LMO7: variants seen among roughly 807,000 people sequenced by gnomAD.
LMO7 encodes LIM domain only protein 7.
Under a neutral mutation model 206.5 loss-of-function variants are expected in LMO7, and 120 were observed. The ratio of observed to expected loss-of-function variants is 0.58; its 90% CI spans 0.50 to 0.68. The LOEUF (loss-of-function observed/expected upper bound fraction) is 0.68, where lower values mean the gene tolerates loss of function less well. Among genes scored for constraint, LMO7 ranks in the 30% least tolerant of loss-of-function variants. LMO7 has a pLI of 0.00. For synonymous variants in LMO7, 706 were observed against 681.5 expected (o/e 1.04, Z -0.56); for missense variants, 1,959 against 1,957.9 (o/e 1.00, Z -0.01).
intron 26 of LMO7, 42 bp from the exon 27 acceptor site, chr13:75,849,037 A>G: frequency 8.3e-7 from 1 of 1,203,828 alleles, no homozygotes; most frequent in Non-Finnish European, 1.2e-6. Flanking sequence ...GTCACTTTTA[A>G]AAGGTACTAA....
intron 12 of LMO7, among the ~76,000 whole-genome samples, chr13:75,817,843 T>C (rs1339451159): frequency 6.6e-6 from 1 of 152,208 alleles, no homozygotes; most frequent in East Asian, 1.9e-4. Flanking sequence ...TACATAGATA[T>C]AGACTTACTC....
At chr13:75,677,942 T>C (rs1191518260) in intron 1 of LMO7, among the ~76,000 whole-genome samples, 1 of 152,070 alleles carries the variant, frequency 6.6e-6, no homozygotes, top group East Asian at 1.9e-4. Context: ...GGTTTCCAGC[T>C]TCATCCATGT....
In LMO7 at chr13:75,817,286, T is replaced by C. The variant is rs749365032; in HGVS notation, c.2064+8T>C. The C allele has an allele frequency of 2.6e-6, 4 of 1,558,870 alleles. No homozygotes were observed. In the Admixed American group the frequency reaches 6.7e-5, roughly 26 times the overall value. ...GATCAGAAATGGCAGGATGTGAGTA[T>C]TTTGGGGATTGGAGGGGAGAGAGTG... is the stretch of plus-strand genomic sequence containing the variant. On this transcript the variant is annotated splice_region_variant and intron_variant, in intron 12 of 30. Coordinates refer to ENST00000377534, the MANE Select transcript of LMO7 (RefSeq NM_001306080.2).
chr13:75,690,425 A>G (rs913763465), intron 1 of LMO7, among the ~76,000 whole-genome samples: 3 of 152,300 alleles, frequency 2.0e-5, no homozygotes, highest in African/African-American at 7.2e-5. Flanking sequence ...CCTATATTTG[A>G]GAGCTCCTCC....
intron 2 of LMO7, among the ~76,000 whole-genome samples, chr13:75,626,595 A>ATATATATATATATTTTTTTTTTT: frequency 9.8e-5 from 7 of 71,100 alleles, no homozygotes; most frequent in Non-Finnish European, 1.8e-4. Context: ...ATATATATAA[A>ATATATATATATATTTTTTTTTTT]TTTTTTTGAG....
chr13:75,848,431 T>TCATCTATCTATCTATCTATCTATC (rs1555348051), intron 26 of LMO7, among the ~76,000 whole-genome samples: 24 of 150,640 alleles, frequency 1.6e-4, no homozygotes, highest in Non-Finnish European at 2.7e-4. Context: ...TTCCATGCGA[T>TCATCTATCTATCTATCTATCTATC]TATCTATCTA....
chr13:75,804,091 C>T lies in LMO7; in HGVS notation c.662-198C>T, dbSNP rs531279260. On this transcript the variant is annotated intron_variant, in intron 7 of 30. Transcript: ENST00000377534. ...CCTACAGCAGCAAAAGAATGTACTG[C>T]ATGTGCCTCCAGTATGCAAAGCAAG... 1.6e-4 allele frequency: 88 copies of T among 554,550 alleles called. 2 individuals carry two copies. In the South Asian group the frequency reaches 2.0e-3, roughly 13 times the overall value. 34.4% of individuals were successfully genotyped at this position (554,550 alleles called of 1,614,324 possible).
intron 3 of LMO7, among the ~76,000 whole-genome samples, chr13:75,734,493 T>A (rs1209085325): frequency 6.6e-6 from 1 of 152,190 alleles, no homozygotes; most frequent in Non-Finnish European, 1.5e-5. Context: ...AAGCTTCTGT[T>A]TGACCATTCA....
Position 75,858,065 on chromosome 13 carries a change from T to C in LMO7, c.*122T>C. The stretch of plus-strand genomic sequence containing the variant: ...TTTTTTTAAAAAAAAGAATAACTTT[T>C]TTTGCCTCTTTAGATTACATAGAAG... On this transcript the variant is annotated 3_prime_UTR_variant, in exon 31 of 31. Coordinates refer to ENST00000377534, the MANE Select transcript of LMO7 (RefSeq NM_001306080.2). The C allele has an allele frequency of 3.4e-6, 4 of 1,173,712 alleles. No individual in the cohort carries two copies. The South Asian group carries it at 5.8e-5, about 17-fold the overall frequency. 72.7% of individuals were successfully genotyped at this position (1,173,712 alleles called of 1,614,324 possible).
intron 28 of LMO7, among the ~76,000 whole-genome samples, chr13:75,853,727 C>G (rs564475444): frequency 4.6e-5 from 7 of 152,164 alleles, no homozygotes; most frequent in Non-Finnish European, 1.0e-4. Flanking sequence ...TAGCAGCTCA[C>G]GAATGCTTCT....
At chr13:75,780,498 C>T (rs2051162933) in intron 4 of LMO7, among the ~76,000 whole-genome samples, 1 of 152,176 alleles carries the variant, frequency 6.6e-6, no homozygotes, top group African/African-American at 2.4e-5. Flanking sequence ...TCCCTTGTTC[C>T]CTGAACATCG....
intron 1 of LMO7, among the ~76,000 whole-genome samples, chr13:75,659,098 T>C (rs947231463): frequency 1.3e-5 from 2 of 152,208 alleles, no homozygotes. Context: ...CATTATGTGG[T>C]ATCTTTGACT....
intron 2 of LMO7, chr13:75,627,792 A>G (rs1490190116): frequency 6.6e-6 from 1 of 152,036 alleles, no homozygotes; most frequent in Non-Finnish European, 1.5e-5. Context: ...GCAATAGTTT[A>G]TTTTAAAGCT....
intron 1 of LMO7, among the ~76,000 whole-genome samples, chr13:75,712,334 C>T (rs1413926974): frequency 6.6e-6 from 1 of 152,180 alleles, no homozygotes; most frequent in Non-Finnish European, 1.5e-5. Flanking sequence ...TGCTGTTGGT[C>T]CCTGCCCTCC....
At chr13:75,659,955 TA>T (rs111619066) in intron 1 of LMO7, among the ~76,000 whole-genome samples, 41,058 of 152,050 alleles carry the variant, frequency 0.27, 5,840 homozygotes, top group Middle Eastern at 0.32. Flanking sequence ...TGTGTAAAAA[TA>T]TTTTAGTCTG....
intron 4 of LMO7, among the ~76,000 whole-genome samples, chr13:75,763,233 A>G (rs993326313): frequency 1.5e-4 from 23 of 152,238 alleles, no homozygotes; most frequent in African/African-American, 4.8e-4. Context: ...CTAATGGGTC[A>G]GGGATGCTGC....
chr13:75,641,559 C>T (rs780509760), intron 1 of LMO7, among the ~76,000 whole-genome samples: 11 of 152,192 alleles, frequency 7.2e-5, no homozygotes, highest in Non-Finnish European at 1.2e-4. Flanking sequence ...TAAGCATCCA[C>T]TCTTTGATTT....
chr13:75,705,486 A>G (rs2042586403), intron 1 of LMO7, among the ~76,000 whole-genome samples: 1 of 152,176 alleles, frequency 6.6e-6, no homozygotes, highest in South Asian at 2.1e-4. Context: ...AGAGAAGAAA[A>G]AATTGTATAC....
chr13:75,726,828 G>A (rs972526198), intron 2 of LMO7, among the ~76,000 whole-genome samples: 1 of 152,048 alleles, frequency 6.6e-6, no homozygotes, highest in African/African-American at 2.4e-5. Flanking sequence ...TATAGACTAT[G>A]GAGAACAACT....
Sources: gnomAD v4.1 joint callset for allele counts (sites outside exome capture counted in the v4.1 genomes callset) on GRCh38, gnomAD v4.1.1 for gene constraint, MANE v1.5 for transcripts, NCBI Gene and HGNC (gene_info 2026-07-23, HGNC 2026-07-21) for gene names.